FHIT: variants seen among roughly 807,000 people sequenced by gnomAD.
The protein encoded by FHIT is fragile histidine triad diadenosine triphosphatase, also known as bis(5'-adenosyl)-triphosphatase.
Under a neutral mutation model 17.9 loss-of-function variants are expected in FHIT, and 19 were observed. The observed-to-expected ratio is 1.06, with a 90% CI of 0.74 to 1.56. FHIT has a LOEUF of 1.56. FHIT is among the 40% of genes most tolerant of loss of function. The pLI is 0.00. For missense variants in FHIT, 248 were observed against 189.2 expected (o/e 1.31, Z -1.82); for synonymous variants, 81 against 69.7 (o/e 1.16, Z -0.81).
At chr3:60,708,792 T>A (rs2107928374) in intron 4 of FHIT, among the ~76,000 whole-genome samples, 1 of 152,352 alleles carries the variant, frequency 6.6e-6, no homozygotes, top group Non-Finnish European at 1.5e-5. Flanking sequence ...GGGAAAATGT[T>A]TTTGTGGACA....
Position 61,179,566 on chromosome 3 carries a change from G to C in FHIT, c.-164+21051C>G, listed in dbSNP as rs1443588612. Among the ~76,000 whole-genome samples, 6 of 151,880 alleles carry C rather than the reference G, an allele frequency of 4.0e-5. No individual in the cohort carries two copies. In the South Asian group the frequency reaches 8.3e-4, roughly 21 times the overall value. On this transcript the variant is annotated intron_variant, in intron 2 of 9. Coordinates refer to ENST00000492590, the MANE Select transcript of FHIT (RefSeq NM_002012.4). ...CTCTTATAAAAAACTAAATTAACCA[G>C]GTGTGGTGGTGCATACCTGTGGCCC...
chr3:60,119,916 T>C (rs1464639923), intron 5 of FHIT, among the ~76,000 whole-genome samples: 4 of 152,180 alleles, frequency 2.6e-5, no homozygotes, highest in African/African-American at 9.7e-5. Flanking sequence ...CAAGCCCAAA[T>C]ACCATCAAAT....
chr3:60,674,769 T>C (rs376418010), intron 4 of FHIT, among the ~76,000 whole-genome samples: 74 of 152,296 alleles, frequency 4.9e-4, no homozygotes, highest in African/African-American at 1.8e-3. Flanking sequence ...CACTAGTGTC[T>C]TTGTTCGGCT....
chr3:60,435,950 G>A (rs2030191111), intron 5 of FHIT, among the ~76,000 whole-genome samples: 1 of 152,198 alleles, frequency 6.6e-6, no homozygotes, highest in African/African-American at 2.4e-5. Context: ...AAGGATAATG[G>A]CCTCCAGCTC....
intron 4 of FHIT, among the ~76,000 whole-genome samples, chr3:60,642,528 A>C (rs1553685605): frequency 2.6e-5 from 4 of 152,232 alleles, no homozygotes; most frequent in Non-Finnish European, 5.9e-5. Flanking sequence ...ACTCATGCTC[A>C]TTCTCAAGTT....
intron 8 of FHIT, among the ~76,000 whole-genome samples, chr3:59,821,231 A>C (rs1700775789): frequency 6.6e-6 from 1 of 152,206 alleles, no homozygotes; most frequent in Non-Finnish European, 1.5e-5. Flanking sequence ...AAGGACTGGC[A>C]AAGGAATAAA....
intron 8 of FHIT, among the ~76,000 whole-genome samples, chr3:59,766,644 C>T (rs772664939): frequency 5.9e-5 from 9 of 152,188 alleles, no homozygotes; most frequent in East Asian, 1.9e-4. Flanking sequence ...ATATACATTT[C>T]GCATGCTTTC....
intron 1 of FHIT, among the ~76,000 whole-genome samples, chr3:61,208,398 A>G (rs1449763649): frequency 6.6e-6 from 1 of 151,996 alleles, no homozygotes; most frequent in Non-Finnish European, 1.5e-5. Context: ...TTGATCTGCT[A>G]ATGTTGACAG....
At chr3:60,707,963 G>A (rs781854937) in intron 4 of FHIT, among the ~76,000 whole-genome samples, 9 of 152,078 alleles carry the variant, frequency 5.9e-5, no homozygotes, top group Non-Finnish European at 8.8e-5. Flanking sequence ...ACGTGAATAC[G>A]CTATAGTTTT....
At chr3:60,398,195 G>A (rs9867241) in intron 5 of FHIT, among the ~76,000 whole-genome samples, 39,104 of 152,030 alleles carry the variant, frequency 0.26, 5,174 homozygotes, top group East Asian at 0.47. Context: ...AGATCTGGCA[G>A]TACATTAACT....
At chr3:61,084,772 T>C (rs2035253766) in intron 2 of FHIT, among the ~76,000 whole-genome samples, 1 of 152,172 alleles carries the variant, frequency 6.6e-6, no homozygotes, top group Non-Finnish European at 1.5e-5. Flanking sequence ...TACATAGTTT[T>C]AGAACACTTC....
chr3:60,533,462 C>A (rs538278084), intron 5 of FHIT, among the ~76,000 whole-genome samples: 2 of 152,136 alleles, frequency 1.3e-5, no homozygotes, highest in African/African-American at 4.8e-5. Context: ...TAGGGATGCA[C>A]GTACTTTGGA....
intron 4 of FHIT, among the ~76,000 whole-genome samples, chr3:60,674,722 A>G (rs1442442679): frequency 2.0e-5 from 3 of 152,082 alleles, no homozygotes; most frequent in Non-Finnish European, 4.4e-5. Flanking sequence ...CTGCCCTCTC[A>G]GACTAAGAAT....
intron 8 of FHIT, among the ~76,000 whole-genome samples, chr3:59,908,853 T>TTTTTTTTTTGAGACGG (rs1271629999): frequency 6.6e-6 from 1 of 150,712 alleles, no homozygotes; most frequent in African/African-American, 2.4e-5. Context: ...CATTTTTTAA[T>TTTTTTTTTTGAGACGG]AGTCCAACTG....
intron 8 of FHIT, among the ~76,000 whole-genome samples, chr3:59,843,681 ATTG>A (rs1442840283): frequency 6.6e-6 from 1 of 151,382 alleles, no homozygotes; most frequent in Non-Finnish European, 1.5e-5. Context: ...TTCTTTTCAG[ATTG>A]TTGTTAGTGG....
At chr3:60,206,947 T>TA (rs930921879) in intron 5 of FHIT, among the ~76,000 whole-genome samples, 1 of 152,048 alleles carries the variant, frequency 6.6e-6, no homozygotes. Context: ...CGGTAAAGAG[T>TA]AAAAATAGAT....
At chr3:60,940,696 T>A (rs144932355) in intron 3 of FHIT, among the ~76,000 whole-genome samples, 3 of 152,162 alleles carry the variant, frequency 2.0e-5, no homozygotes, top group Non-Finnish European at 4.4e-5. Context: ...TTCTGAAAAA[T>A]TGACCTTACA....
intron 1 of FHIT, among the ~76,000 whole-genome samples, chr3:61,215,053 A>C (rs2039627215): frequency 6.6e-6 from 1 of 151,724 alleles, no homozygotes; most frequent in East Asian, 1.9e-4. Context: ...CCAATATCAT[A>C]CTGAATGGGC....
chr3:60,529,996 A>C (rs2035715570), intron 5 of FHIT, among the ~76,000 whole-genome samples: 1 of 152,160 alleles, frequency 6.6e-6, no homozygotes, highest in Non-Finnish European at 1.5e-5. Context: ...AATTCTGAGA[A>C]ATGTACCTGC....
Sources: gnomAD v4.1 joint callset for allele counts (sites outside exome capture counted in the v4.1 genomes callset) on GRCh38, gnomAD v4.1.1 for gene constraint, MANE v1.5 for transcripts, NCBI Gene and HGNC (gene_info 2026-07-23, HGNC 2026-07-21) for gene names.